ADAP2: variants seen among roughly 807,000 people sequenced by gnomAD.
ADAP2 encodes ArfGAP with dual PH domains 2.
Under a neutral mutation model 54.9 loss-of-function variants are expected in ADAP2, and 42 were observed. The observed-to-expected ratio is 0.77, with a 90% CI of 0.60 to 0.99. The LOEUF (loss-of-function observed/expected upper bound fraction) is 0.99. Ranked by LOEUF, ADAP2 falls within the 50% of genes least tolerant of loss-of-function variation. ADAP2 has a pLI of 0.00. For missense variants in ADAP2, 429 were observed against 480.4 expected, an observed-to-expected ratio of 0.89 and a Z score of 1.00; for synonymous variants, 177 against 180.1, an observed-to-expected ratio of 0.98 and a Z score of 0.14.
chr17:30,932,232 T>C (rs1028319089), intron 4 of ADAP2, among the ~76,000 whole-genome samples: 3 of 118,638 alleles, frequency 2.5e-5, no homozygotes, highest in African/African-American at 1.1e-4. Context: ...TACAGACTCT[T>C]TTTTTTTTTT....
At chr17:30,924,610 T>TC (rs1285692311) in intron 2 of ADAP2, among the ~76,000 whole-genome samples, 1 of 152,198 alleles carries the variant, frequency 6.6e-6, no homozygotes, top group Admixed American at 6.5e-5. Context: ...TTTCCAGGAC[T>TC]ATTGGGGAAG....
intron 2 of ADAP2, among the ~76,000 whole-genome samples, chr17:30,925,817 T>A (rs577951470): frequency 6.6e-6 from 1 of 152,266 alleles, no homozygotes; most frequent in Non-Finnish European, 1.5e-5. Flanking sequence ...TTGAGGGCAG[T>A]GGCAAAATCT....
chr17:30,929,992 C>G (rs1290694720), intron 3 of ADAP2, among the ~76,000 whole-genome samples: 3 of 152,078 alleles, frequency 2.0e-5, no homozygotes, highest in Admixed American at 1.3e-4. Context: ...GCTGGGATTA[C>G]AGGCATGAGT....
intron 10 of ADAP2, chr17:30,956,738 G>A (rs1423144045): frequency 6.1e-6 from 3 of 493,600 alleles, no homozygotes; most frequent in Non-Finnish European, 1.1e-5. Flanking sequence ...GGTGCTGTCT[G>A]TACCCCTTGC....
At chr17:30,931,627 C>T (rs1853567588) in intron 3 of ADAP2, among the ~76,000 whole-genome samples, 1 of 151,930 alleles carries the variant, frequency 6.6e-6, no homozygotes, top group African/African-American at 2.4e-5. Flanking sequence ...TCAAGACCAG[C>T]TTAGGCAACA....
chr17:30,934,221 A>G lies in ADAP2; in HGVS notation c.434A>G (p.Asp145Gly), dbSNP rs139876370. Residue 145 changes from aspartate (D) to glycine (G), a missense_variant, in exon 5 of 11, where the codon GAC (aspartate) becomes GGC (glycine). Transcript: ENST00000330889. ...REGFLWKRGR[D>G]NSQFLRRKFV... is the part of the protein sequence containing the mutation. ...GGATTCCTGTGGAAGCGAGGAAGGG[A>G]CAACTCACAGTTTCTGAGAAGGAAG... The G allele has an allele frequency of 1.9e-4, 300 of 1,614,054 alleles. 3 individuals are homozygous for G. The highest frequency in any genetic ancestry group is 1.7e-4 in the Admixed American group (10 of 59,994).
intron 5 of ADAP2, among the ~76,000 whole-genome samples, chr17:30,934,780 C>G (rs532946129): frequency 1.3e-5 from 2 of 152,146 alleles, no homozygotes; most frequent in Non-Finnish European, 2.9e-5. Flanking sequence ...CCTATAATCC[C>G]AGCACTTTAG....
At chr17:30,949,545 G>A (rs189645931) in intron 7 of ADAP2, among the ~76,000 whole-genome samples, 175 bp downstream of exon 7, 1,648 of 152,074 alleles carry the variant, frequency 0.011, 29 homozygotes, top group African/African-American at 0.034. Flanking sequence ...TCAGGAGATC[G>A]AGACCATCCT....
intron 5 of ADAP2, among the ~76,000 whole-genome samples, chr17:30,942,161 C>T (rs868717851): frequency 6.6e-6 from 1 of 152,162 alleles, no homozygotes; most frequent in Non-Finnish European, 1.5e-5. Context: ...GCCTCGGCCT[C>T]CCAAAGTGCT....
intron 4 of ADAP2, 30 bp downstream of exon 4, chr17:30,931,998 C>G: frequency 1.9e-6 from 3 of 1,600,846 alleles, no homozygotes; most frequent in Non-Finnish European, 2.6e-6. Flanking sequence ...CTTTTGAAAT[C>G]TATGTTTTAA....
chr17:30,922,848 G>A (rs1168689318), intron 1 of ADAP2, 92 bp from the exon 2 acceptor site: 4 of 1,440,080 alleles, frequency 2.8e-6, no homozygotes, highest in African/African-American at 1.4e-5. Flanking sequence ...GGTGGGAGAA[G>A]GGGCGCCCCA....
chr17:30,939,337 C>CCT (rs1912094289), intron 5 of ADAP2, among the ~76,000 whole-genome samples: 1 of 149,156 alleles, frequency 6.7e-6, no homozygotes, highest in Non-Finnish European at 1.5e-5. Context: ...ATTTATTTCC[C>CCT]AAAGTGGATA....
intron 6 of ADAP2, among the ~76,000 whole-genome samples, chr17:30,946,302 G>A (rs567562624): frequency 2.6e-4 from 40 of 151,820 alleles, no homozygotes; most frequent in South Asian, 1.2e-3. Flanking sequence ...GCGTGATCTC[G>A]GCTCACTGCA....
At chr17:30,924,317 G>A (rs1910866418) in intron 2 of ADAP2, among the ~76,000 whole-genome samples, 2 of 151,698 alleles carry the variant, frequency 1.3e-5, no homozygotes, top group Admixed American at 1.3e-4. Flanking sequence ...TGGCTGCAAT[G>A]AGCTGAGATC....
intron 2 of ADAP2, among the ~76,000 whole-genome samples, chr17:30,924,113 C>CTAT (rs1237010706): frequency 6.6e-6 from 1 of 152,120 alleles, no homozygotes; most frequent in Admixed American, 6.5e-5. Context: ...TGGCTCACAC[C>CTAT]TATAATCCCA....
chr17:30,946,201 G>A (rs1912666259), intron 6 of ADAP2, among the ~76,000 whole-genome samples: 1 of 151,940 alleles, frequency 6.6e-6, no homozygotes, highest in South Asian at 2.1e-4. Context: ...GGGATCCCAG[G>A]TGAGTCTTGT....
chr17:30,925,962 A>G (rs1029956293), intron 2 of ADAP2, among the ~76,000 whole-genome samples: 7 of 151,836 alleles, frequency 4.6e-5, no homozygotes, highest in Non-Finnish European at 8.8e-5. Flanking sequence ...CAAACTGCTG[A>G]CCTCAAGTGA....
chr17:30,922,899 G>T (rs760884694), intron 1 of ADAP2, 41 bp from the exon 2 acceptor site: 2 of 1,601,668 alleles, frequency 1.2e-6, no homozygotes, highest in African/African-American at 1.3e-5. Flanking sequence ...TTTCTTCACC[G>T]CGCTTTCCGC....
chr17:30,926,920 T>C lies in ADAP2; in HGVS notation c.317+2T>C. On this transcript the variant is annotated splice_donor_variant, in intron 3 of 10. Coordinates refer to ENST00000330889, the MANE Select transcript of ADAP2 (RefSeq NM_018404.3). LOFTEE classifies it high-confidence loss of function. ...CATCCCCCAGGCCAACGACTGCCTGTGAGTGGGTGATTCCTTAGGGACTGG... is the reference window on the plus strand; with the variant it reads ...CATCCCCCAGGCCAACGACTGCCTGCGAGTGGGTGATTCCTTAGGGACTGG... 9 of 1,611,134 alleles carry C rather than the reference T, an allele frequency of 5.6e-6. No homozygotes were observed. Among genetic ancestry groups the C allele is most frequent in the Non-Finnish European group, 7.6e-6 (9 of 1,177,290 alleles).
Sources: gnomAD v4.1 joint callset for allele counts (sites outside exome capture counted in the v4.1 genomes callset) on GRCh38, gnomAD v4.1.1 for gene constraint, MANE v1.5 for transcripts, NCBI Gene and HGNC (gene_info 2026-07-23, HGNC 2026-07-21) for gene names.